Variants in NPHP3 observed in about 807,000 individuals in gnomAD.
NPHP3 encodes nephrocystin-3.
NPHP3 carries 123 observed loss-of-function variants against 171.9 expected under a neutral mutation model. The observed-to-expected ratio is 0.72, with a 90% CI of 0.62 to 0.83. NPHP3 has a LOEUF of 0.83. NPHP3 is among the 40% of genes least tolerant of loss of function. NPHP3 has a pLI of 0.00. For missense variants in NPHP3, 1,506 were observed against 1,591.9 expected (o/e 0.95, Z 0.92); for synonymous variants, 558 against 579.2 (o/e 0.96, Z 0.52).
rs111417239 is a variant in NPHP3, at chr3:132,685,944, A to G, written c.3329+316T>C. On this transcript the variant is annotated intron_variant, in intron 23 of 26. Transcript: ENST00000337331. Reference sequence around the variant, plus strand: ...CATGCGCCTGTAGTCCCAGTTACTCAGGAGGCTGAGGCAGGAGAATAGCTT... The same window carrying G: ...CATGCGCCTGTAGTCCCAGTTACTCGGGAGGCTGAGGCAGGAGAATAGCTT... 206 of 322,356 alleles carry G rather than the reference A, an allele frequency of 6.4e-4. 1 individual carries two copies. The highest frequency in any genetic ancestry group is 3.7e-3 in the African/African-American group (170 of 46,216). The allele number at this position is 322,356 out of a possible 1,614,324, so 20.0% of individuals were successfully genotyped here.
chr3:132,721,264 G>A (rs1388322915), intron 1 of NPHP3, among the ~76,000 whole-genome samples: 1 of 151,438 alleles, frequency 6.6e-6, no homozygotes. Flanking sequence ...GCTACATGGA[G>A]GGCATGCAAT....
At position 132,680,925 on chromosome 3, in the gene NPHP3, A is replaced by C. The variant is rs956730101; in HGVS notation, c.*985T>G. 3.3e-5 allele frequency: 5 copies of C among 152,236 alleles called. No homozygotes were observed. Among genetic ancestry groups the C allele is most frequent in the Admixed American group, 1.3e-4 (2 of 15,284 alleles). The allele number at this position is 152,236 out of a possible 1,614,324, so 9.4% of individuals were successfully genotyped here. A position where few individuals can be genotyped will look rare whatever the true frequency, so the allele number is the denominator to read the frequency against. On this transcript the variant is annotated 3_prime_UTR_variant, in exon 27 of 27. Coordinates refer to ENST00000337331, the MANE Select transcript of NPHP3 (RefSeq NM_153240.5). ...TGGGAAAAGTCAAAGAATGCTAAAG[A>C]GCTTGACCTGTTACTGCATTAATGA...
chr3:132,685,198 T>G (rs1032181830), intron 23 of NPHP3: 2 of 206,620 alleles, frequency 9.7e-6, no homozygotes, highest in Middle Eastern at 2.2e-3. Flanking sequence ...TGTGTAACCT[T>G]GAACTCCTAG....
chr3:132,689,261 C>T lies in NPHP3; in HGVS notation c.2696G>A (p.Gly899Glu), dbSNP rs1466751019. Reference protein sequence around the residue: ...LFVSQNLYKRGHFAELLSYWQ... With the variant: ...LFVSQNLYKREHFAELLSYWQ... ...ATAACTCAGCAACTCAGCAAAGTGT[C>T]CCCTGTTTCAACAAATAACAGTACT... Residue 899 changes from glycine (G) to glutamate (E), a missense_variant and splice_region_variant, in exon 20 of 27, where the codon GGA becomes GAA. By Grantham distance (98) the Gly-to-Glu change is moderately conservative. Coordinates refer to ENST00000337331, the MANE Select transcript of NPHP3 (RefSeq NM_153240.5). 15 of 1,614,050 alleles carry T rather than the reference C, an allele frequency of 9.3e-6. No homozygotes were observed. The highest frequency in any genetic ancestry group is 1.7e-5 in the Admixed American group (1 of 60,012).
At chr3:132,711,478 CATT>C (rs1939907264) in intron 6 of NPHP3, among the ~76,000 whole-genome samples, 1 of 151,448 alleles carries the variant, frequency 6.6e-6, no homozygotes, top group Admixed American at 6.6e-5. Flanking sequence ...GGGAGGAAAA[CATT>C]AAGAAGAGTT....
At chr3:132,720,542 G>A (rs1370793910) in intron 1 of NPHP3, among the ~76,000 whole-genome samples, 10 of 152,140 alleles carry the variant, frequency 6.6e-5, no homozygotes, top group Admixed American at 6.5e-4. Flanking sequence ...ATACATGCAA[G>A]TGCATTAAGG....
rs1170283757 is a variant in NPHP3, at chr3:132,719,134, T to C, written c.530A>G (p.Glu177Gly). Residue 177 changes from glutamate to glycine, a missense_variant, in exon 3 of 27, where the codon GAG (glutamate) becomes GGG (glycine). This residue lies in a region of NPHP3 where 930 missense variants were observed against 924.9 expected (regional missense o/e 1.01). Transcript: ENST00000337331. ...KVKRQFKIFRETKENEIQDLL... is the reference protein window; with the variant it reads ...KVKRQFKIFRGTKENEIQDLL... ...GTCCTGAATTTCATTTTCTTTGGTC[T>C]CCCTAAAAATCTTTAAAAAGAATAA... 6.9e-6 allele frequency: 11 copies of C among 1,601,928 alleles called. No homozygotes were observed. Among genetic ancestry groups the C allele is most frequent in the Non-Finnish European group, 8.5e-6 (10 of 1,175,954 alleles).
At chr3:132,701,748 C>T (rs542742617) in intron 9 of NPHP3, among the ~76,000 whole-genome samples, 5 of 152,166 alleles carry the variant, frequency 3.3e-5, no homozygotes, top group South Asian at 2.1e-4. Flanking sequence ...AATGGCTGGG[C>T]GCGGTGGCTC....
chr3:132,706,766 AT>A (rs1377069322), intron 7 of NPHP3, among the ~76,000 whole-genome samples: 3 of 152,180 alleles, frequency 2.0e-5, no homozygotes, highest in Non-Finnish European at 4.4e-5. Context: ...AGCATACTAA[AT>A]TTTTTAAAGT....
intron 21 of NPHP3, among the ~76,000 whole-genome samples, chr3:132,687,833 T>C (rs1939200600): frequency 2.0e-5 from 3 of 152,210 alleles, no homozygotes; most frequent in Admixed American, 2.0e-4. Flanking sequence ...ATACCAGAGA[T>C]TGGCTTTTTC....
intron 15 of NPHP3, among the ~76,000 whole-genome samples, chr3:132,695,606 T>A (rs1356101017): frequency 6.6e-6 from 1 of 152,116 alleles, no homozygotes. Flanking sequence ...GCCAGATGTG[T>A]TGCTACAACT....
At position 132,713,113 on chromosome 3, in the gene NPHP3, T is replaced by G; in HGVS notation, c.1118+13A>C. The G allele has an allele frequency of 7.4e-7, 1 of 1,356,116 alleles. No homozygotes were observed. The highest frequency in any genetic ancestry group is 1.3e-5 in the South Asian group (1 of 77,472). The allele number at this position is 1,356,116 out of a possible 1,614,324, so 84.0% of individuals were successfully genotyped here. ...TTACTGCTTATAATAAATTACATTT[T>G]TTTTCAGCTTACCTTGGTAATGTTA... On this transcript the variant is annotated intron_variant, in intron 6 of 26. Coordinates refer to ENST00000337331, the MANE Select transcript of NPHP3 (RefSeq NM_153240.5).
chr3:132,699,677 T>C (rs1208725179), intron 12 of NPHP3, among the ~76,000 whole-genome samples: 1 of 152,182 alleles, frequency 6.6e-6, no homozygotes, highest in African/African-American at 2.4e-5. Context: ...CCTAAAAATA[T>C]GTCAGAACGA....
At chr3:132,718,180 G>A in intron 3 of NPHP3, 1 of 423,332 alleles carries the variant, frequency 2.4e-6, no homozygotes, top group Non-Finnish European at 4.7e-6. Context: ...GCATCCATTT[G>A]TGAGAATATA....
At chr3:132,715,889 T>C (rs1185864881) in intron 4 of NPHP3, among the ~76,000 whole-genome samples, 3 of 152,218 alleles carry the variant, frequency 2.0e-5, no homozygotes, top group Admixed American at 1.3e-4. Flanking sequence ...CAATGGAGGA[T>C]TGGTACCAGC....
rs1286115861 is a variant in NPHP3, at chr3:132,692,717, G to C, written c.2412C>G (p.His804Gln). Residue 804 changes from histidine (H) to glutamine (Q), a missense_variant, in exon 17 of 27, where the codon CAC (histidine) becomes CAG (glutamine). Transcript: ENST00000337331. The part of the protein sequence containing the change: ...MSWTFLTSLI[H>Q]SLYKMCLLTY... ...TCAACAAACACATTTTGTATAAACT[G>C]TGAATAAGGGAGGTCAAGAAAGTCC... 1 of 1,613,994 alleles carries C rather than the reference G, an allele frequency of 6.2e-7. No homozygotes were observed. Among genetic ancestry groups the C allele is most frequent in the Non-Finnish European group, 8.5e-7 (1 of 1,179,896 alleles).
intron 13 of NPHP3, 104 bp downstream of exon 13, chr3:132,699,249 G>A: frequency 1.3e-6 from 1 of 777,200 alleles, no homozygotes; most frequent in African/African-American, 1.7e-5. Context: ...CTCACTGCAA[G>A]TTACATAAAA....
chr3:132,688,518 TG>T (rs1939217393), intron 21 of NPHP3, 131 bp downstream of exon 21: 2 of 953,960 alleles, frequency 2.1e-6, no homozygotes, highest in Non-Finnish European at 3.3e-6. Flanking sequence ...TCATTTTCTC[TG>T]TTTACCACAT....
intron 5 of NPHP3, 130 bp downstream of exon 5, chr3:132,714,955 C>T (rs758680887): frequency 1.1e-5 from 8 of 706,802 alleles, no homozygotes; most frequent in East Asian, 2.8e-5. Flanking sequence ...AAGCCCAAGA[C>T]GCTTCCTGTT....
Sources: gnomAD v4.1 joint callset for allele counts (sites outside exome capture counted in the v4.1 genomes callset) on GRCh38, gnomAD v4.1.1 for gene constraint, gnomAD v4.1.1 regional missense constraint, MANE v1.5 for transcripts, NCBI Gene and HGNC (gene_info 2026-07-23, HGNC 2026-07-21) for gene names.